ENOSF1: variants seen among roughly 807,000 people sequenced by gnomAD.
The protein encoded by ENOSF1 is mitochondrial enolase superfamily member 1.
A neutral mutation model predicts 68.2 loss-of-function variants in ENOSF1; 73 were observed. That is an observed-to-expected ratio of 1.07 (90% CI 0.89 to 1.30). The LOEUF (loss-of-function observed/expected upper bound fraction) is 1.30, where lower values mean the gene tolerates loss of function less well. Ranked by LOEUF, ENOSF1 falls within the 50% of genes most tolerant of loss-of-function variation. The pLI is 0.00. For synonymous variants in ENOSF1, 223 were observed against 210.4 expected (o/e 1.06, Z -0.52); for missense variants, 589 against 554.5 (o/e 1.06, Z -0.62).
intron 9 of ENOSF1, 21 bp downstream of exon 9, chr18:688,553 C>G (rs1260072304): frequency 1.2e-6 from 2 of 1,613,854 alleles, no homozygotes; most frequent in African/African-American, 2.7e-5. Flanking sequence ...CTGGGAAAGT[C>G]AGGTCCATCA....
intron 10 of ENOSF1, among the ~76,000 whole-genome samples, chr18:684,543 A>C (rs1415992234): frequency 1.3e-5 from 2 of 152,024 alleles, no homozygotes; most frequent in African/African-American, 4.8e-5. Flanking sequence ...AATAATAATA[A>C]TAACCCCATG....
At chr18:677,251 T>TA (rs2075605605) in intron 14 of ENOSF1, 94 bp downstream of exon 14, 2 of 1,020,336 alleles carry the variant, frequency 2.0e-6, no homozygotes, top group East Asian at 2.4e-5. Flanking sequence ...GACAAGGTCT[T>TA]AGTGTGTTCT....
chr18:673,300 C>A lies in ENOSF1; in HGVS notation c.*1005G>T. 4.0e-6 allele frequency: 1 copy of A among 250,232 alleles called. No homozygotes were observed. The highest frequency in any genetic ancestry group is 6.0e-5 in the East Asian group (1 of 16,574). The allele number at this position is 250,232 out of a possible 1,614,324, so 15.5% of individuals were successfully genotyped here. On this transcript the variant is annotated 3_prime_UTR_variant, in exon 16 of 16. Transcript: ENST00000647584. ...AACATGTATGTGCATTTCAATCCCA[C>A]GTACTTATAAAGAAGGTTGGTGAAT...
chr18:706,395 T>C, intron 2 of ENOSF1, 75 bp downstream of exon 2: 1 of 980,632 alleles, frequency 1.0e-6, no homozygotes, highest in South Asian at 1.3e-5. Context: ...AAGATTCTAA[T>C]GAATCTAAGA....
chr18:689,819 G>A (rs1462058433), intron 8 of ENOSF1, among the ~76,000 whole-genome samples: 1 of 152,170 alleles, frequency 6.6e-6, no homozygotes, highest in Non-Finnish European at 1.5e-5. Context: ...GCTTCAGGAC[G>A]GGGCTGGGGA....
chr18:690,593 T>A lies in ENOSF1; in HGVS notation c.574A>T (p.Thr192Ser). ...GAGTACCCCAGCCAGGCGCACGATGTCGTGTAAGCAGGGTATCCTTGTGCC... is the reference window on the plus strand; with the variant it reads ...GAGTACCCCAGCCAGGCGCACGATGACGTGTAAGCAGGGTATCCTTGTGCC... ...MLAQGYPAYT[T>S]SCAWLGYSDD... is the part of the protein sequence containing the mutation. Residue 192 changes from threonine (T) to serine (S), a missense_variant, in exon 8 of 16, where the codon ACA becomes TCA. Physicochemically the swap from Thr to Ser is moderately conservative, Grantham distance 58. Transcript: ENST00000647584. The A allele has an allele frequency of 6.2e-7, 1 of 1,614,108 alleles. No individual in the cohort carries two copies. Among genetic ancestry groups the A allele is most frequent in the Non-Finnish European group, 8.5e-7 (1 of 1,180,028 alleles).
rs2077110706 is a variant in ENOSF1 at position 691,089 on chromosome 18, G to C, written c.514C>G (p.Gln172Glu). The C allele has an allele frequency of 1.9e-6, 3 of 1,614,096 alleles. No individual in the cohort carries two copies. In the East Asian group the frequency reaches 6.7e-5, roughly 36 times the overall value. The change falls in exon 7 of 16, where the codon CAA (glutamine) becomes GAA (glutamate). Residue 172 changes from glutamine (Q) to glutamate (E), a missense_variant. Coordinates refer to ENST00000647584, the MANE Select transcript of ENOSF1 (RefSeq NM_017512.7). ...CCACCTCTTTCTTTTTTACCAATTT[G>C]ACCTTTCTGCAGTATTTCTGGAAGA... ...EDALEILQKGQIGKKEREKQM... is the reference protein window; with the variant it reads ...EDALEILQKGEIGKKEREKQM...
chr18:675,366 G>A lies in ENOSF1; in HGVS notation c.1185C>T (p.Phe395=). 1 of 1,613,124 alleles carries A rather than the reference G, an allele frequency of 6.2e-7. No homozygotes were observed. Among genetic ancestry groups the A allele is most frequent in the Admixed American group, 1.7e-5 (1 of 59,882 alleles). ...CEYVDHLHEH[F]KYPVMIQRAS... Reference sequence around the variant, plus strand: ...CCCGCTGGATCATCACGGGATACTTGAAATGCTCATGCAGGTGGTCAACAT... The same window carrying A: ...CCCGCTGGATCATCACGGGATACTTAAAATGCTCATGCAGGTGGTCAACAT... Residue 395 remains phenylalanine (F), a synonymous_variant, in exon 15 of 16, where the codon TTC becomes TTT. Transcript: ENST00000647584.
At chr18:699,478 A>AAATAATAATAAT (rs147506890) in intron 2 of ENOSF1, among the ~76,000 whole-genome samples, 8 of 148,998 alleles carry the variant, frequency 5.4e-5, no homozygotes, top group African/African-American at 2.0e-4. Context: ...GCCCTGTCTC[A>AAATAATAATAAT]AATAATAATA....
chr18:678,060 G>A (rs2075693362), intron 12 of ENOSF1, among the ~76,000 whole-genome samples, 188 bp from the exon 13 acceptor site: 1 of 152,200 alleles, frequency 6.6e-6, no homozygotes, highest in Non-Finnish European at 1.5e-5. Context: ...CAGGGACCTT[G>A]TGCTCACTTC....
At position 672,709 on chromosome 18, in the gene ENOSF1, T is replaced by A. The variant is rs909366189; in HGVS notation, c.*1596A>T. On this transcript the variant is annotated 3_prime_UTR_variant, in exon 16 of 16. Transcript: ENST00000647584. ...ACAGCTGGTTGCGCTCCAATCATGT[T>A]ACATAACCTACGGCAAGGTATCGAC... The A allele has an allele frequency of 3.1e-5, 25 of 799,650 alleles. No homozygotes were observed. Among genetic ancestry groups the A allele is most frequent in the Non-Finnish European group, 4.5e-5 (24 of 531,974 alleles). 49.5% of individuals were successfully genotyped at this position (799,650 alleles called of 1,614,324 possible).
At chr18:707,426 G>A (rs2079057067) in intron 1 of ENOSF1, among the ~76,000 whole-genome samples, 1 of 152,170 alleles carries the variant, frequency 6.6e-6, no homozygotes, top group African/African-American at 2.4e-5. Context: ...ACAAGCCAAA[G>A]GTTCAGAAAA....
Position 691,126 on chromosome 18 carries a change from T to A in ENOSF1, c.497-20A>T, listed in dbSNP as rs774748030. On this transcript the variant is annotated intron_variant, in intron 6 of 15. Transcript: ENST00000647584. The stretch of plus-strand genomic sequence containing the variant: ...GTATTTCTGGAAGAAATAAAAAGCA[T>A]CACTCACTCTTTTAGGAAACAAAGC... 5.6e-6 allele frequency: 9 copies of A among 1,613,962 alleles called. No individual in the cohort carries two copies. The South Asian group carries it at 8.8e-5, about 16-fold the overall frequency.
At chr18:693,042 G>A in intron 5 of ENOSF1, 1 of 1,272,054 alleles carries the variant, frequency 7.9e-7, no homozygotes, top group South Asian at 1.3e-5. Context: ...TCAGAGTGGG[G>A]AAGTCACATG....
chr18:703,279 C>T (rs1054480841), intron 2 of ENOSF1, among the ~76,000 whole-genome samples: 2 of 152,026 alleles, frequency 1.3e-5, no homozygotes, highest in African/African-American at 4.8e-5. Flanking sequence ...AGCACCCATC[C>T]CAGAAGGGCT....
At position 671,265 on chromosome 18, in the gene ENOSF1, C is replaced by T. The variant is rs1478181036; in HGVS notation, c.*3040G>A. On this transcript the variant is annotated 3_prime_UTR_variant, in exon 16 of 16. Transcript: ENST00000647584. ...GCTACAAAAAAATGGAAAAGCTACA[C>T]TAAATTATTTTTTTAAAAAAAGCCT... The T allele has an allele frequency of 3.8e-6, 3 of 786,376 alleles. No homozygotes were observed. The highest frequency in any genetic ancestry group is 6.6e-6 in the Non-Finnish European group (3 of 453,734). The allele number at this position is 786,376 out of a possible 1,614,324, so 48.7% of individuals were successfully genotyped here. A position where few individuals can be genotyped will look rare whatever the true frequency, so the allele number is the denominator to read the frequency against.
chr18:677,805 C>A lies in ENOSF1; in HGVS notation c.986G>T (p.Ser329Ile), dbSNP rs1460574939. 12 of 1,614,054 alleles carry A rather than the reference C, an allele frequency of 7.4e-6. No individual in the cohort carries two copies. In the Admixed American group the frequency reaches 1.7e-4, roughly 22 times the overall value. The change falls in exon 13 of 16, where the codon AGT becomes ATT. Residue 329 changes from serine (S) to isoleucine (I), a missense_variant. By Grantham distance (142) the Ser-to-Ile change is moderately radical (BLOSUM62 -2). Transcript: ENST00000647584. ...CTCATTGACACTGCCCAGTCTGCAA[C>A]TGTCAATCTGGAGGAACTGCAGGGC... ...AKALQFLQID[S>I]CRLGSVNENL...
At chr18:674,848 G>C (rs1156264712) in intron 15 of ENOSF1, among the ~76,000 whole-genome samples, 3 of 151,776 alleles carry the variant, frequency 2.0e-5, no homozygotes, top group African/African-American at 7.3e-5. Flanking sequence ...AATAAGTTTG[G>C]AGACTGTTGG....
chr18:705,715 A>G lies in ENOSF1; in HGVS notation c.193+755T>C, dbSNP rs533847292. Among the ~76,000 whole-genome samples, 6 of 152,068 alleles carry G rather than the reference A, an allele frequency of 3.9e-5. No individual in the cohort carries two copies. In the South Asian group the frequency reaches 1.3e-3, roughly 32 times the overall value. ...GAACTGGAAACCGATTTGGTGTGAA[A>G]TATTTTGAAAAGGCCGGGTGTGATG... On this transcript the variant is annotated intron_variant, in intron 2 of 15. Transcript: ENST00000647584.
Sources: allele counts gnomAD v4.1 joint callset (sites outside exome capture counted in the v4.1 genomes callset), GRCh38; gene constraint gnomAD v4.1.1; transcripts MANE v1.5; gene names NCBI Gene and HGNC (gene_info 2026-07-23, HGNC 2026-07-21).